The following AFG1L variants were observed in gnomAD, a reference collection of about 807,000 sequenced individuals.
AFG1L encodes the protein AFG1-like ATPase.
AFG1L carries 53 observed loss-of-function variants against 62.2 expected under a neutral mutation model. The observed-to-expected ratio is 0.85, with a 90% CI of 0.68 to 1.07. The LOEUF (loss-of-function observed/expected upper bound fraction) is 1.07. Among genes scored for constraint, AFG1L ranks in the 50% least tolerant of loss-of-function variants. AFG1L has a pLI of 0.00. For missense variants in AFG1L, 555 were observed against 590.5 expected (o/e 0.94, Z 0.62); for synonymous variants, 228 against 210.3 (o/e 1.08, Z -0.73).
At chr6:108,325,679 T>G (rs1204479407) in intron 2 of AFG1L, among the ~76,000 whole-genome samples, 3 of 151,964 alleles carry the variant, frequency 2.0e-5, no homozygotes, top group African/African-American at 7.3e-5. Flanking sequence ...AGAGATGGGG[T>G]TTCACCATGT....
chr6:108,477,325 C>T, intron 10 of AFG1L, 33 bp downstream of exon 10: 1 of 1,288,104 alleles, frequency 7.8e-7, no homozygotes, highest in Non-Finnish European at 1.1e-6. Flanking sequence ...ACTCACTGGC[C>T]TTTTCACATG....
chr6:108,490,373 A>G (rs930507008), intron 10 of AFG1L, among the ~76,000 whole-genome samples: 10 of 152,316 alleles, frequency 6.6e-5, no homozygotes, highest in Non-Finnish European at 1.3e-4. Flanking sequence ...GCAAACAAAC[A>G]AACAAAAAAA....
chr6:108,448,259 T>C (rs1771896030), intron 8 of AFG1L, among the ~76,000 whole-genome samples: 1 of 152,206 alleles, frequency 6.6e-6, no homozygotes. Flanking sequence ...TAAAGTACTT[T>C]ATAATTTTAA....
At chr6:108,442,912 G>A (rs1562164501) in intron 7 of AFG1L, among the ~76,000 whole-genome samples, 3 of 152,092 alleles carry the variant, frequency 2.0e-5, no homozygotes, top group Non-Finnish European at 4.4e-5. Context: ...AGCATGGGAG[G>A]AGGGGAAATG....
At chr6:108,402,456 G>A (rs990381950) in intron 7 of AFG1L, among the ~76,000 whole-genome samples, 4 of 127,228 alleles carry the variant, frequency 3.1e-5, no homozygotes, top group Admixed American at 1.7e-4. Context: ...AGGGCGAGAC[G>A]CCGTCTCGAA....
Position 108,519,778 on chromosome 6 carries a change from A to G in AFG1L, c.1285A>G (p.Arg429Gly). Residue 429 changes from arginine to glycine, a missense_variant, in exon 12 of 13, where the codon AGA (arginine) becomes GGA (glycine). Physicochemically the swap from Arg to Gly is moderately radical, Grantham distance 125. Transcript: ENST00000368977. ...TCATGACAGTGAGTTGGAGCAAAGCAGAATACTGATGGATGATTTGGGGCT... is the reference window on the plus strand; with the variant it reads ...TCATGACAGTGAGTTGGAGCAAAGCGGAATACTGATGGATGATTTGGGGCT... ...QHHDSELEQS[R>G]ILMDDLGLSQ... 1 of 1,612,962 alleles carries G rather than the reference A, an allele frequency of 6.2e-7. No homozygotes were observed. The highest frequency in any genetic ancestry group is 8.5e-7 in the Non-Finnish European group (1 of 1,179,442).
chr6:108,368,704 A>G (rs1167687409), intron 6 of AFG1L, among the ~76,000 whole-genome samples: 1 of 152,220 alleles, frequency 6.6e-6, no homozygotes, highest in Non-Finnish European at 1.5e-5. Flanking sequence ...TATGCTCGTA[A>G]ATAGCAAAGA....
chr6:108,464,430 T>C (rs936234130), intron 8 of AFG1L, among the ~76,000 whole-genome samples: 2 of 152,220 alleles, frequency 1.3e-5, no homozygotes, highest in African/African-American at 4.8e-5. Flanking sequence ...CTCTGTTCAC[T>C]AATTTAATAT....
chr6:108,319,632 A>C (rs1197124281), intron 1 of AFG1L: 1 of 188,412 alleles, frequency 5.3e-6, no homozygotes, highest in Non-Finnish European at 1.1e-5. Context: ...AGGTCTTGCT[A>C]TGTTGCCAAG....
At chr6:108,474,038 C>G (rs946471108) in intron 8 of AFG1L, among the ~76,000 whole-genome samples, 1 of 152,200 alleles carries the variant, frequency 6.6e-6, no homozygotes, top group Admixed American at 6.5e-5. Context: ...TCCCTCTCCC[C>G]CCGGCTCCTG....
intron 7 of AFG1L, among the ~76,000 whole-genome samples, chr6:108,404,138 A>C (rs1781750416): frequency 6.6e-6 from 1 of 152,162 alleles, no homozygotes; most frequent in East Asian, 1.9e-4. Flanking sequence ...ATATTAACTT[A>C]AGTGACTTTT....
intron 7 of AFG1L, among the ~76,000 whole-genome samples, chr6:108,446,401 C>T (rs1771799067): frequency 1.3e-5 from 2 of 151,200 alleles, no homozygotes; most frequent in Non-Finnish European, 2.9e-5. Context: ...CATTTAGAAG[C>T]GAAGGATGGG....
In AFG1L at chr6:108,366,301, CGTT is replaced by C. The variant is rs1562111561; in HGVS notation, c.720_722del (p.Val241del). 5 of 1,611,662 alleles carry C rather than the reference CGTT, an allele frequency of 3.1e-6. No individual in the cohort carries two copies. In the Admixed American group the frequency reaches 6.7e-5, roughly 22 times the overall value. The stretch of plus-strand genomic sequence containing the variant: ...AAAATCTGTTCAAAAACGGGGTCGT[CGTT>C]GTGGCAACATCCAACAGGCCACCGG... On this transcript the variant is annotated inframe_deletion, in exon 6 of 13. Coordinates refer to ENST00000368977, the MANE Select transcript of AFG1L (RefSeq NM_145315.5).
chr6:108,396,894 C>T (rs756395282), intron 6 of AFG1L, among the ~76,000 whole-genome samples: 93 of 152,166 alleles, frequency 6.1e-4, no homozygotes, highest in Non-Finnish European at 1.2e-3. Context: ...ACCATCCTCT[C>T]AAGCACGTAT....
chr6:108,301,430 G>A (rs1158932648), intron 1 of AFG1L, among the ~76,000 whole-genome samples: 3 of 152,164 alleles, frequency 2.0e-5, no homozygotes, highest in African/African-American at 7.2e-5. Flanking sequence ...GAGAAACAAA[G>A]ATCTATCTTC....
intron 6 of AFG1L, among the ~76,000 whole-genome samples, chr6:108,379,051 T>TGGA (rs1780381780): frequency 6.8e-6 from 1 of 146,474 alleles, no homozygotes; most frequent in African/African-American, 2.6e-5. Context: ...TCACCCAGAC[T>TGGA]GGAGTGCAGA....
intron 7 of AFG1L, among the ~76,000 whole-genome samples, chr6:108,430,244 C>T (rs1771011688): frequency 6.6e-6 from 1 of 152,152 alleles, no homozygotes; most frequent in African/African-American, 2.4e-5. Flanking sequence ...TGTGCCCAGT[C>T]ATAAGATGGT....
At chr6:108,325,949 G>A (rs1778026710) in intron 2 of AFG1L, among the ~76,000 whole-genome samples, 2 of 151,916 alleles carry the variant, frequency 1.3e-5, no homozygotes, top group South Asian at 4.2e-4. Context: ...GCTAATTTTT[G>A]TATTTTTAGT....
intron 11 of AFG1L, among the ~76,000 whole-genome samples, chr6:108,510,948 G>C (rs1221467308): frequency 6.6e-6 from 1 of 151,988 alleles, no homozygotes; most frequent in Non-Finnish European, 1.5e-5. Context: ...GTGGTGATGA[G>C]GGCCTGTCAT....
Sources: allele counts gnomAD v4.1 joint callset (sites outside exome capture counted in the v4.1 genomes callset), GRCh38; gene constraint gnomAD v4.1.1; transcripts MANE v1.5; gene names NCBI Gene and HGNC (gene_info 2026-07-23, HGNC 2026-07-21).